Variants in PPP2R2A observed in about 807,000 individuals in gnomAD.
PPP2R2A encodes the protein protein phosphatase 2 regulatory subunit Balpha, also known as serine/threonine-protein phosphatase 2A 55 kDa regulatory subunit B alpha isoform.
PPP2R2A carries 9 observed loss-of-function variants against 53.2 expected under a neutral mutation model. That is an observed-to-expected ratio of 0.17 (90% CI 0.10 to 0.30). The LOEUF is 0.30. Ranked by LOEUF, PPP2R2A falls within the 10% of genes least tolerant of loss-of-function variation. PPP2R2A has a pLI of 1.00. For missense variants in PPP2R2A, 235 were observed against 534.6 expected (o/e 0.44, Z 5.53); for synonymous variants, 169 against 174.2 (o/e 0.97, Z 0.23).
At chr8:26,366,203 T>A in intron 8 of PPP2R2A, 112 bp from the exon 9 acceptor site, 1 of 775,646 alleles carries the variant, frequency 1.3e-6, no homozygotes, top group Non-Finnish European at 2.1e-6. Flanking sequence ...GATTAATAGG[T>A]TTAAAAGGTG....
intron 4 of PPP2R2A, among the ~76,000 whole-genome samples, chr8:26,357,472 C>T (rs944624729): frequency 6.6e-6 from 1 of 152,030 alleles, no homozygotes; most frequent in African/African-American, 2.4e-5. Flanking sequence ...GTCATAGTCA[C>T]CTTATAACTT....
At chr8:26,337,772 G>T (rs1280143015) in intron 2 of PPP2R2A, among the ~76,000 whole-genome samples, 4 of 152,174 alleles carry the variant, frequency 2.6e-5, no homozygotes, top group African/African-American at 4.8e-5. Context: ...GCAGTTTTGT[G>T]GGAGAGCATT....
At chr8:26,368,184 T>G (rs973814659) in intron 9 of PPP2R2A, among the ~76,000 whole-genome samples, 2 of 152,196 alleles carry the variant, frequency 1.3e-5, no homozygotes, top group Non-Finnish European at 2.9e-5. Flanking sequence ...AAATACAGTT[T>G]TGTCATCTTC....
At chr8:26,300,077 G>C (rs1801712486) in intron 2 of PPP2R2A, among the ~76,000 whole-genome samples, 1 of 152,068 alleles carries the variant, frequency 6.6e-6, no homozygotes. Context: ...GCATCAAATA[G>C]TTTTCTTGCT....
intron 2 of PPP2R2A, among the ~76,000 whole-genome samples, chr8:26,319,614 T>G (rs1453162553): frequency 1.1e-4 from 16 of 152,164 alleles, no homozygotes; most frequent in Admixed American, 1.0e-3. Flanking sequence ...TTGAAAAGAC[T>G]GTACTTTTCC....
chr8:26,318,967 T>C (rs1408913700), intron 2 of PPP2R2A, among the ~76,000 whole-genome samples: 1 of 152,176 alleles, frequency 6.6e-6, no homozygotes, highest in Non-Finnish European at 1.5e-5. Context: ...TCCAGGACTC[T>C]TTTCATCTTC....
At chr8:26,312,617 G>A (rs556623186) in intron 2 of PPP2R2A, among the ~76,000 whole-genome samples, 2 of 152,298 alleles carry the variant, frequency 1.3e-5, no homozygotes, top group Non-Finnish European at 2.9e-5. Context: ...TCTTAAAAGA[G>A]CAGATTGCAT....
intron 2 of PPP2R2A, among the ~76,000 whole-genome samples, chr8:26,329,379 CT>C (rs925678984): frequency 6.6e-6 from 1 of 152,058 alleles, no homozygotes; most frequent in African/African-American, 2.4e-5. Context: ...CTTCTACTAC[CT>C]TTTTTTCAAC....
chr8:26,327,391 G>A (rs1803144876), intron 2 of PPP2R2A, among the ~76,000 whole-genome samples: 1 of 152,160 alleles, frequency 6.6e-6, no homozygotes, highest in Non-Finnish European at 1.5e-5. Flanking sequence ...TAAAAGGAGA[G>A]GAAGGAATGG....
intron 2 of PPP2R2A, among the ~76,000 whole-genome samples, chr8:26,296,478 C>T (rs1186805325): frequency 6.6e-6 from 1 of 152,254 alleles, no homozygotes; most frequent in Non-Finnish European, 1.5e-5. Context: ...TACCAGGATC[C>T]TGCTCATCTC....
In PPP2R2A at chr8:26,351,717, A is replaced by G. The variant is rs547185533; in HGVS notation, c.181-2751A>G. ...TCCTTTCCCCATTGCCCAGCAAGGC[A>G]ACCTTTGTCATCATTTAGGCCTGTT... On this transcript the variant is annotated intron_variant, in intron 3 of 9. Coordinates refer to ENST00000380737, the MANE Select transcript of PPP2R2A (RefSeq NM_002717.4). Among the ~76,000 whole-genome samples the G allele has an allele frequency of 1.5e-3, 221 of 152,336 alleles. 1 individual carries two copies. Among genetic ancestry groups the G allele is most frequent in the Non-Finnish European group, 2.6e-3 (177 of 68,022 alleles).
chr8:26,352,561 T>G (rs1244514482), intron 3 of PPP2R2A, among the ~76,000 whole-genome samples: 1 of 152,264 alleles, frequency 6.6e-6, no homozygotes, highest in Non-Finnish European at 1.5e-5. Context: ...GTGCTCAGCC[T>G]GGCATCTTGA....
At chr8:26,316,544 C>T (rs1351424380) in intron 2 of PPP2R2A, among the ~76,000 whole-genome samples, 2 of 152,112 alleles carry the variant, frequency 1.3e-5, no homozygotes, top group Admixed American at 1.3e-4. Flanking sequence ...TAAATTAACA[C>T]ATATATTTGT....
Position 26,362,069 on chromosome 8 carries a change from A to T in PPP2R2A, c.638-615A>T, listed in dbSNP as rs577755482. On this transcript the variant is annotated intron_variant, in intron 6 of 9. Transcript: ENST00000380737. The surrounding 1 kb of genome is among the most constrained non-coding windows in gnomAD (Gnocchi z 4.4). ...AGATTAGATTAAGATTAATTTTAAGATTAGAAAAAGATTAATAATTAGATT... is the reference window on the plus strand; with the variant it reads ...AGATTAGATTAAGATTAATTTTAAGTTTAGAAAAAGATTAATAATTAGATT... Among the ~76,000 whole-genome samples, 1 of 150,400 alleles carries T rather than the reference A, an allele frequency of 6.6e-6. No individual in the cohort carries two copies. The highest frequency in any genetic ancestry group is 1.5e-5 in the Non-Finnish European group (1 of 67,658).
chr8:26,345,812 A>G (rs1048455442), intron 3 of PPP2R2A, among the ~76,000 whole-genome samples: 9 of 152,182 alleles, frequency 5.9e-5, no homozygotes, highest in African/African-American at 2.2e-4. Context: ...AATACTCCCA[A>G]TAATTAAAGC....
Position 26,291,846 on chromosome 8 carries a change from C to G in PPP2R2A, c.7+20C>G. 1.9e-6 allele frequency: 3 copies of G among 1,608,418 alleles called. No homozygotes were observed. The highest frequency in any genetic ancestry group is 2.2e-5 in the South Asian group (2 of 90,220). Reference sequence around the variant, plus strand: ...TGGCAGGTAAAGGAGAAATCCCCCTCGCCCCCTGACAAGGCACCGCTTCCT... The same window carrying G: ...TGGCAGGTAAAGGAGAAATCCCCCTGGCCCCCTGACAAGGCACCGCTTCCT... On this transcript the variant is annotated intron_variant, in intron 1 of 9. Coordinates refer to ENST00000380737, the MANE Select transcript of PPP2R2A (RefSeq NM_002717.4).
chr8:26,299,582 C>T (rs1160983497), intron 2 of PPP2R2A, among the ~76,000 whole-genome samples: 1 of 152,038 alleles, frequency 6.6e-6, no homozygotes, highest in Non-Finnish European at 1.5e-5. Context: ...CTAAAATATG[C>T]CCCAAATAAG....
At chr8:26,337,586 G>GT (rs1440587966) in intron 2 of PPP2R2A, among the ~76,000 whole-genome samples, 1 of 152,152 alleles carries the variant, frequency 6.6e-6, no homozygotes, top group Non-Finnish European at 1.5e-5. Context: ...GTACTTACTG[G>GT]TGTTTGGCTT....
At chr8:26,330,459 C>G (rs1309555480) in intron 2 of PPP2R2A, among the ~76,000 whole-genome samples, 1 of 151,886 alleles carries the variant, frequency 6.6e-6, no homozygotes, top group East Asian at 1.9e-4. Flanking sequence ...TCCTGAGTAG[C>G]CGGGACCGCA....
Sources: allele counts gnomAD v4.1 joint callset (sites outside exome capture counted in the v4.1 genomes callset), GRCh38; gene constraint gnomAD v4.1.1; non-coding constraint Gnocchi (gnomAD v3.1); transcripts MANE v1.5; gene names NCBI Gene and HGNC (gene_info 2026-07-23, HGNC 2026-07-21).